DRAM1: variants seen among roughly 807,000 people sequenced by gnomAD.
The protein encoded by DRAM1 is DNA damage regulated autophagy modulator 1.
In DRAM1, 25 loss-of-function variants were observed where a neutral mutation model predicts 28.5. The ratio of observed to expected loss-of-function variants is 0.88; its 90% CI spans 0.64 to 1.23. The LOEUF (loss-of-function observed/expected upper bound fraction) is 1.23, where lower values mean the gene tolerates loss of function less well. DRAM1 is among the 50% of genes most tolerant of loss of function. DRAM1 has a pLI of 0.00. For missense variants in DRAM1, 249 were observed against 299.2 expected, an observed-to-expected ratio of 0.83 and a Z score of 1.24; for synonymous variants, 113 against 114.2, an observed-to-expected ratio of 0.99 and a Z score of 0.07.
chr12:101,895,199 T>TG (rs1873309566), intron 1 of DRAM1, among the ~76,000 whole-genome samples: 1 of 129,194 alleles, frequency 7.7e-6, no homozygotes, highest in Non-Finnish European at 1.6e-5. Flanking sequence ...TTTTTTTTTT[T>TG]TTTTTTTTTT....
Position 101,878,892 on chromosome 12 carries a change from TTTTG to T in DRAM1, c.131+988_131+991del, listed in dbSNP as rs764021496. Among the ~76,000 whole-genome samples, 359 of 151,884 alleles carry T rather than the reference TTTTG, an allele frequency of 2.4e-3. 1 individual carries two copies. Among genetic ancestry groups the T allele is most frequent in the Admixed American group, 3.5e-3 (53 of 15,154 alleles). ...GTCTGGTGAGCAATGTTCTGTGTTT[TTTTG>T]TTTGTTTGTTTGTTTTTTTCCTTTT... On this transcript the variant is annotated intron_variant, in intron 1 of 6. Coordinates refer to ENST00000258534, the MANE Select transcript of DRAM1 (RefSeq NM_018370.3).
intron 1 of DRAM1, among the ~76,000 whole-genome samples, chr12:101,889,580 C>T (rs961313965): frequency 3.9e-5 from 6 of 152,192 alleles, no homozygotes; most frequent in Non-Finnish European, 8.8e-5. Flanking sequence ...TCTAGATGCA[C>T]AGCTTGGCTT....
intron 1 of DRAM1, among the ~76,000 whole-genome samples, chr12:101,884,068 A>T (rs1872788101): frequency 6.6e-6 from 1 of 152,026 alleles, no homozygotes; most frequent in Non-Finnish European, 1.5e-5. Context: ...AGGAAGGACA[A>T]ATAAAAGCTA....
At chr12:101,884,610 G>A (rs148004886) in intron 1 of DRAM1, among the ~76,000 whole-genome samples, 1 of 152,026 alleles carries the variant, frequency 6.6e-6, no homozygotes, top group Admixed American at 6.6e-5. Flanking sequence ...TTATTAGCAC[G>A]TCTCACTTTC....
chr12:101,897,350 C>G (rs1873418336), intron 1 of DRAM1, among the ~76,000 whole-genome samples: 1 of 151,762 alleles, frequency 6.6e-6, no homozygotes, highest in Non-Finnish European at 1.5e-5. Flanking sequence ...CAGGCACCTG[C>G]CACCATGCTA....
rs1290321728 is a variant in DRAM1, at chr12:101,877,937, G to T, written c.131+17G>T. 4.6e-6 allele frequency: 7 copies of T among 1,517,468 alleles called. No homozygotes were observed. In the South Asian group the frequency reaches 8.7e-5, roughly 19 times the overall value. 94.0% of individuals were successfully genotyped at this position (1,517,468 alleles called of 1,614,324 possible). On this transcript the variant is annotated intron_variant, in intron 1 of 6. Coordinates refer to ENST00000258534, the MANE Select transcript of DRAM1 (RefSeq NM_018370.3). This position sits in a 1 kb window ranked among gnomAD's most constrained non-coding sequence, Gnocchi z 4.1. ...GTATATCAGGTGAGTGGCAGGGTGGGCGTCAGGGCCCCAGGAGCAGGCACA... is the reference window on the plus strand; with the variant it reads ...GTATATCAGGTGAGTGGCAGGGTGGTCGTCAGGGCCCCAGGAGCAGGCACA...
intron 1 of DRAM1, among the ~76,000 whole-genome samples, chr12:101,883,245 G>A (rs559025065): frequency 3.8e-4 from 58 of 150,708 alleles, no homozygotes; most frequent in African/African-American, 1.4e-3. Flanking sequence ...AGGTCAGTGA[G>A]ACATTGGCAG....
At chr12:101,897,187 T>G (rs116543711) in intron 1 of DRAM1, among the ~76,000 whole-genome samples, 6,751 of 144,828 alleles carry the variant, frequency 0.047, 272 homozygotes, top group African/African-American at 0.12. Context: ...TATTAGAATT[T>G]TCAAACGCGA....
In DRAM1 at chr12:101,877,758, C is replaced by T; in HGVS notation, c.-32C>T. 4.1e-6 allele frequency: 6 copies of T among 1,462,586 alleles called. No individual in the cohort carries two copies. The highest frequency in any genetic ancestry group is 4.5e-6 in the Non-Finnish European group (5 of 1,102,614). The allele number at this position is 1,462,586 out of a possible 1,614,324, so 90.6% of individuals were successfully genotyped here. A position where few individuals can be genotyped will look rare whatever the true frequency, so the allele number is the denominator to read the frequency against. ...CAACCCGGCGCCCGGCCCCGCTGGG[C>T]GCAGCACTCCGTCGGCGGCGGCGGC... On this transcript the variant is annotated 5_prime_UTR_variant, in exon 1 of 7. Coordinates refer to ENST00000258534, the MANE Select transcript of DRAM1 (RefSeq NM_018370.3). This position sits in a 1 kb window ranked among gnomAD's most constrained non-coding sequence, Gnocchi z 4.1.
chr12:101,912,766 C>T (rs1874091813), intron 4 of DRAM1, among the ~76,000 whole-genome samples: 1 of 150,040 alleles, frequency 6.7e-6, no homozygotes, highest in Non-Finnish European at 1.5e-5. Flanking sequence ...CAGAGTCTCA[C>T]CCTGTTGCCC....
chr12:101,901,303 T>G lies in DRAM1; in HGVS notation c.212T>G (p.Met71Arg), dbSNP rs1873592895. Residue 71 changes from methionine (M) to arginine (R), a missense_variant, in exon 3 of 7, where the codon ATG becomes AGG. By Grantham distance (91) the Met-to-Arg change is moderately conservative (BLOSUM62 -1). Coordinates refer to ENST00000258534, the MANE Select transcript of DRAM1 (RefSeq NM_018370.3). ...TCTTCTTTTTCAGGTGCAGCCACGA[T>G]GTATACAAGATACAAAATAGTACAG... is the stretch of plus-strand genomic sequence containing the variant. ...NFSAFLGAAT[M>R]YTRYKIVQKQ... 3 of 1,613,184 alleles carry G rather than the reference T, an allele frequency of 1.9e-6. No homozygotes were observed. The highest frequency in any genetic ancestry group is 2.5e-6 in the Non-Finnish European group (3 of 1,179,794).
intron 4 of DRAM1, among the ~76,000 whole-genome samples, chr12:101,909,537 C>T (rs1873958981): frequency 1.3e-5 from 2 of 152,158 alleles, no homozygotes. Flanking sequence ...CCTCCCTGCA[C>T]GTCGTAGGTG....
intron 1 of DRAM1, among the ~76,000 whole-genome samples, chr12:101,883,745 G>A (rs1324147127): frequency 1.3e-5 from 2 of 151,358 alleles, no homozygotes; most frequent in Non-Finnish European, 2.9e-5. Flanking sequence ...CAACCATTCT[G>A]GCCAACATTG....
Position 101,908,263 on chromosome 12 carries a change from G to T in DRAM1, c.420G>T (p.Gln140His). Residue 140 changes from glutamine to histidine, a missense_variant, in exon 4 of 7, where the codon CAG (glutamine) becomes CAT (histidine). This residue lies in a region of DRAM1 where 218 missense variants were observed against 243.1 expected (regional missense o/e 0.90). Transcript: ENST00000258534. Reference protein sequence around the residue: ...FVCGVVYTLLQSIISYKSCPQ... With the variant: ...FVCGVVYTLLHSIISYKSCPQ... The stretch of plus-strand genomic sequence containing the variant: ...GTGGTGTCGTGTACACGCTCCTACA[G>T]TCCATCATCTCTTACAAATCATGTC... The T allele has an allele frequency of 6.2e-7, 1 of 1,614,142 alleles. No individual in the cohort carries two copies. Among genetic ancestry groups the T allele is most frequent in the Non-Finnish European group, 8.5e-7 (1 of 1,180,040 alleles).
At chr12:101,901,213 G>C in intron 2 of DRAM1, 78 bp from the exon 3 acceptor site, 2 of 1,508,494 alleles carry the variant, frequency 1.3e-6, no homozygotes, top group Non-Finnish European at 1.8e-6. Context: ...TTTTTAAAAA[G>C]TGATACAAAG....
intron 1 of DRAM1, among the ~76,000 whole-genome samples, chr12:101,878,601 A>G (rs1872580206): frequency 6.6e-6 from 1 of 152,148 alleles, no homozygotes; most frequent in Admixed American, 6.5e-5. Context: ...TTACCCATTC[A>G]CTTTTCCTGT....
chr12:101,901,700 T>G, intron 3 of DRAM1: 1 of 364,126 alleles, frequency 2.7e-6, no homozygotes, highest in Non-Finnish European at 5.0e-6. Context: ...GCCAACATGG[T>G]GAAGCCTCAT....
chr12:101,882,284 A>AT (rs1233946218), intron 1 of DRAM1, among the ~76,000 whole-genome samples: 1 of 149,446 alleles, frequency 6.7e-6, no homozygotes, highest in Non-Finnish European at 1.5e-5. Context: ...AATTTTTTGT[A>AT]TTTTTTTAGT....
chr12:101,897,939 A>C lies in DRAM1; in HGVS notation c.199+9A>C, dbSNP rs914400365. On this transcript the variant is annotated intron_variant, in intron 2 of 6. Coordinates refer to ENST00000258534, the MANE Select transcript of DRAM1 (RefSeq NM_018370.3). ...CTTCTCTGCATTTCTTGGTAAGTAC[A>C]CAATAATTATTATAAATAATTGAAA... The C allele has an allele frequency of 6.7e-7, 1 of 1,495,878 alleles. No homozygotes were observed. The highest frequency in any genetic ancestry group is 1.7e-5 in the Admixed American group (1 of 57,580). 92.7% of individuals were successfully genotyped at this position (1,495,878 alleles called of 1,614,324 possible). A position where few individuals can be genotyped will look rare whatever the true frequency, so the allele number is the denominator to read the frequency against.
Sources: gnomAD v4.1 joint callset for allele counts (sites outside exome capture counted in the v4.1 genomes callset) on GRCh38, gnomAD v4.1.1 for gene constraint, gnomAD v4.1.1 regional missense constraint, Gnocchi (gnomAD v3.1) non-coding constraint, MANE v1.5 for transcripts, NCBI Gene and HGNC (gene_info 2026-07-23, HGNC 2026-07-21) for gene names.